Variants in PCCA observed in about 807,000 individuals in gnomAD.
The protein encoded by PCCA is propionyl-CoA carboxylase subunit alpha.
Under a neutral mutation model 101.3 loss-of-function variants are expected in PCCA, and 74 were observed. The ratio of observed to expected loss-of-function variants is 0.73; its 90% CI spans 0.61 to 0.89. The LOEUF is 0.89. PCCA is among the 40% of genes least tolerant of loss of function. PCCA has a pLI of 0.00. For synonymous variants in PCCA, 294 were observed against 313.6 expected, an observed-to-expected ratio of 0.94 and a Z score of 0.66; for missense variants, 891 against 907.0, an observed-to-expected ratio of 0.98 and a Z score of 0.23.
At chr13:100,461,311 T>C (rs887559624) in intron 21 of PCCA, among the ~76,000 whole-genome samples, 1 of 152,264 alleles carries the variant, frequency 6.6e-6, no homozygotes, top group Non-Finnish European at 1.5e-5. Context: ...GCATCATTCA[T>C]ATTTATAGAT....
chr13:100,415,182 T>C (rs751892788), intron 19 of PCCA, among the ~76,000 whole-genome samples: 11 of 150,314 alleles, frequency 7.3e-5, no homozygotes, highest in Non-Finnish European at 1.2e-4. Flanking sequence ...GGTGAGAGGA[T>C]TGCTTGAGGC....
Position 100,227,060 on chromosome 13 carries a change from G to A in PCCA, c.601-8782G>A, listed in dbSNP as rs2060185614. On this transcript the variant is annotated intron_variant, in intron 7 of 23. Coordinates refer to ENST00000376285, the MANE Select transcript of PCCA (RefSeq NM_000282.4). ...GCTCTGTCGCCCATACTGGAGTGCA[G>A]TGGCACTATCTTGGCTCACTGCAAC... Among the ~76,000 whole-genome samples the A allele has an allele frequency of 3.3e-5, 5 of 152,238 alleles. No individual in the cohort carries two copies. In the South Asian group the frequency reaches 1.0e-3, roughly 32 times the overall value.
rs376341913 is a variant in PCCA at position 100,364,554 on chromosome 13, G to A, written c.1644-3918G>A. ...TATCTGCCAGTTAACTGGCATATAT[G>A]CCCAACCCATCCATTTTATTTAAAA... On this transcript the variant is annotated intron_variant, in intron 18 of 23. Transcript: ENST00000376285. Among the ~76,000 whole-genome samples the A allele has an allele frequency of 1.0e-3, 152 of 152,258 alleles. 4 individuals are homozygous for A. The South Asian group carries it at 0.029, about 29-fold the overall frequency.
chr13:100,189,320 G>T (rs993070226), intron 6 of PCCA, among the ~76,000 whole-genome samples: 1 of 152,126 alleles, frequency 6.6e-6, no homozygotes, highest in Admixed American at 6.6e-5. Flanking sequence ...CCATGTCTTT[G>T]CTACTGTGAA....
chr13:100,196,829 A>G (rs1331615676), intron 6 of PCCA, among the ~76,000 whole-genome samples: 3 of 152,180 alleles, frequency 2.0e-5, no homozygotes, highest in Admixed American at 6.5e-5. Context: ...TCCCATAGCA[A>G]TCACATCCAT....
At chr13:100,323,538 G>A (rs543928455) in intron 16 of PCCA, among the ~76,000 whole-genome samples, 1 of 151,962 alleles carries the variant, frequency 6.6e-6, no homozygotes, top group African/African-American at 2.4e-5. Context: ...GGCTGGTCTC[G>A]AATTGCTGAC....
chr13:100,106,410 CATTT>C (rs374270007), intron 2 of PCCA, among the ~76,000 whole-genome samples: 23 of 151,976 alleles, frequency 1.5e-4, no homozygotes, highest in African/African-American at 5.5e-4. Context: ...GGGTTTAGCA[CATTT>C]ATTTATTTAT....
chr13:100,334,019 A>G (rs115690501), intron 17 of PCCA, among the ~76,000 whole-genome samples: 1 of 152,194 alleles, frequency 6.6e-6, no homozygotes, highest in Non-Finnish European at 1.5e-5. Flanking sequence ...TAAAGTACCC[A>G]CTATACTACA....
intron 4 of PCCA, among the ~76,000 whole-genome samples, chr13:100,132,434 A>G (rs1309243447): frequency 1.3e-5 from 2 of 151,416 alleles, no homozygotes; most frequent in African/African-American, 4.9e-5. Flanking sequence ...GAGACTGGCT[A>G]CTTTCACTCA....
rs901846559 is a variant in PCCA, at chr13:100,311,790, C to T, written c.1429+1882C>T. Among the ~76,000 whole-genome samples the T allele has an allele frequency of 3.3e-5, 5 of 152,046 alleles. No homozygotes were observed. In the Middle Eastern group the frequency reaches 0.01, roughly 310 times the overall value. ...GTCTCCAAAAAAATAAAAATAAAAG[C>T]CATGTGTTATAAATCACATTATCAA... On this transcript the variant is annotated intron_variant, in intron 16 of 23. Coordinates refer to ENST00000376285, the MANE Select transcript of PCCA (RefSeq NM_000282.4).
At chr13:100,286,521 G>T (rs1056315556) in intron 12 of PCCA, among the ~76,000 whole-genome samples, 1 of 152,190 alleles carries the variant, frequency 6.6e-6, no homozygotes, top group Admixed American at 6.5e-5. Context: ...GTTGCTTTAC[G>T]AGGAACTTAA....
At chr13:100,093,042 G>C (rs549975838) in intron 1 of PCCA, among the ~76,000 whole-genome samples, 1 of 152,214 alleles carries the variant, frequency 6.6e-6, no homozygotes. Context: ...TGACATTTTT[G>C]ATGAAGAGTG....
intron 18 of PCCA, among the ~76,000 whole-genome samples, chr13:100,367,755 A>G (rs9585417): frequency 0.034 from 5,151 of 150,610 alleles, 302 homozygotes; most frequent in African/African-American, 0.12. Flanking sequence ...TCAGGAGTTC[A>G]AGACCAGCCT....
At chr13:100,453,477 T>TA (rs374141591) in intron 21 of PCCA, among the ~76,000 whole-genome samples, 21,178 of 133,646 alleles carry the variant, frequency 0.16, 2,868 homozygotes, top group African/African-American at 0.44. Flanking sequence ...CACTCTAGTT[T>TA]AAAAAAAAAA....
intron 19 of PCCA, among the ~76,000 whole-genome samples, chr13:100,371,119 C>T (rs922229165): frequency 1.3e-5 from 2 of 152,184 alleles, no homozygotes; most frequent in Non-Finnish European, 2.9e-5. Context: ...CCTTTCTTTA[C>T]ATCATCCTGT....
intron 7 of PCCA, among the ~76,000 whole-genome samples, chr13:100,228,623 C>T (rs144249225): frequency 6.1e-4 from 92 of 151,914 alleles, no homozygotes; most frequent in Middle Eastern, 3.4e-3. Context: ...AAAGGCTGGG[C>T]GCGGTGGCTC....
intron 7 of PCCA, among the ~76,000 whole-genome samples, chr13:100,235,332 A>C (rs549409028): frequency 5.9e-5 from 9 of 151,914 alleles, no homozygotes; most frequent in Non-Finnish European, 1.0e-4. Context: ...GCAGATTACC[A>C]AAAGGATTTT....
chr13:100,377,913 T>G (rs767450273), intron 19 of PCCA, among the ~76,000 whole-genome samples: 22 of 152,184 alleles, frequency 1.4e-4, no homozygotes, highest in Non-Finnish European at 8.8e-5. Flanking sequence ...ATATGTTCCT[T>G]GTTCCTTCCT....
At chr13:100,454,633 C>A (rs961498953) in intron 21 of PCCA, among the ~76,000 whole-genome samples, 6 of 152,154 alleles carry the variant, frequency 3.9e-5, no homozygotes, top group Non-Finnish European at 7.3e-5. Flanking sequence ...TTGTGAGAAT[C>A]CTTGTAGAAT....
Sources: allele counts gnomAD v4.1 joint callset (sites outside exome capture counted in the v4.1 genomes callset), GRCh38; gene constraint gnomAD v4.1.1; transcripts MANE v1.5; gene names NCBI Gene and HGNC (gene_info 2026-07-23, HGNC 2026-07-21).